PCDH15: variants seen among roughly 807,000 people sequenced by gnomAD.
PCDH15 encodes protocadherin-15.
In PCDH15, 129 loss-of-function variants were observed where a neutral mutation model predicts 178.5. The ratio of observed to expected loss-of-function variants is 0.72; its 90% CI spans 0.63 to 0.84. The LOEUF (loss-of-function observed/expected upper bound fraction) is 0.84, where lower values mean the gene tolerates loss of function less well. Among genes scored for constraint, PCDH15 ranks in the 40% least tolerant of loss-of-function variants. PCDH15 has a pLI of 0.00. For missense variants in PCDH15, 2,230 were observed against 2,099.9 expected (o/e 1.06, Z -1.21); for synonymous variants, 800 against 732.0 (o/e 1.09, Z -1.50).
rs768775289 is a variant in PCDH15 at position 53,940,902 on chromosome 10, T to C, written c.3196A>G (p.Ser1066Gly). ...CCTGAAACAATGGAGTACACAATAC[T>C]TTGATTAATGGCAGCAGCAGAAATT... The part of the protein sequence containing the change: ...GVISAAAINQ[S>G]IVYSIVSGNE... Residue 1066 changes from serine to glycine, a missense_variant, in exon 24 of 38, where the codon AGT (serine) becomes GGT (glycine). Transcript: ENST00000644397. 2 of 1,613,568 alleles carry C rather than the reference T, an allele frequency of 1.2e-6. No homozygotes were observed. Among genetic ancestry groups the C allele is most frequent in the Non-Finnish European group, 8.5e-7 (1 of 1,179,640 alleles).
chr10:55,587,843 A>G (rs1009113932), intron 2 of PCDH15, among the ~76,000 whole-genome samples: 2 of 152,180 alleles, frequency 1.3e-5, no homozygotes, highest in African/African-American at 4.8e-5. Flanking sequence ...TGGGTCTGAA[A>G]GAGTATCTGA....
intron 18 of PCDH15, among the ~76,000 whole-genome samples, chr10:54,031,112 T>C (rs2093280816): frequency 6.6e-6 from 1 of 152,072 alleles, no homozygotes; most frequent in Non-Finnish European, 1.5e-5. Context: ...ACAAGGCCGA[T>C]GTCAAGGGGT....
At chr10:55,534,765 T>C (rs1841533364) in intron 2 of PCDH15, among the ~76,000 whole-genome samples, 1 of 152,052 alleles carries the variant, frequency 6.6e-6, no homozygotes, top group South Asian at 2.1e-4. Flanking sequence ...CATGCACTTG[T>C]ATAATCATCA....
chr10:53,903,456 T>G (rs192033789), intron 25 of PCDH15, 86 bp from the exon 26 acceptor site: 5 of 1,507,156 alleles, frequency 3.3e-6, no homozygotes, highest in South Asian at 2.3e-5. Flanking sequence ...CTGCACTTTT[T>G]TTTGGAAACA....
intron 2 of PCDH15, among the ~76,000 whole-genome samples, chr10:55,493,972 A>G (rs1454544483): frequency 1.3e-5 from 2 of 151,888 alleles, no homozygotes; most frequent in Non-Finnish European, 2.9e-5. Context: ...CATATTTGAC[A>G]AGAATGTATG....
intron 15 of PCDH15, among the ~76,000 whole-genome samples, chr10:54,120,771 C>T (rs4935499): frequency 0.69 from 104,603 of 152,016 alleles, 36,349 homozygotes; most frequent in East Asian, 0.99. Flanking sequence ...ACACACCCCA[C>T]ATTGTAGAGT....
chr10:54,702,086 T>C (rs4935543), intron 1 of PCDH15, among the ~76,000 whole-genome samples: 32,066 of 151,544 alleles, frequency 0.21, 3,819 homozygotes, highest in Middle Eastern at 0.3. Context: ...TGCAACAAAA[T>C]TGAAATCATA....
At chr10:54,692,084 G>A (rs1035745854) in intron 1 of PCDH15, among the ~76,000 whole-genome samples, 14 of 152,064 alleles carry the variant, frequency 9.2e-5, no homozygotes, top group African/African-American at 2.7e-4. Flanking sequence ...CTGCTGCTGA[G>A]AGGAAAATAA....
At chr10:55,390,499 G>T (rs973931222) in intron 2 of PCDH15, among the ~76,000 whole-genome samples, 3 of 152,108 alleles carry the variant, frequency 2.0e-5, no homozygotes, top group Admixed American at 6.6e-5. Flanking sequence ...TTTCAAAATT[G>T]GAGTCAAGTC....
rs114536281 is a variant in PCDH15, at chr10:54,903,164, G to A, written c.-79-5664C>T. Among the ~76,000 whole-genome samples, 1,117 of 152,156 alleles carry A rather than the reference G, an allele frequency of 7.3e-3. 16 individuals are homozygous for A. The highest frequency in any genetic ancestry group is 0.026 in the African/African-American group (1,077 of 41,522). ...GAGGTATGAAGGAGGAAACAGACTA[G>A]GTACGAAAGAAAAGAAGGGATACCA... On this transcript the variant is annotated intron_variant, in intron 2 of 5. Transcript: ENST00000458638.
chr10:54,985,945 G>A (rs1320753871), intron 2 of PCDH15, among the ~76,000 whole-genome samples: 1 of 152,196 alleles, frequency 6.6e-6, no homozygotes, highest in Non-Finnish European at 1.5e-5. Flanking sequence ...TTAGGCCTTA[G>A]AGTCATGTGA....
intron 2 of PCDH15, among the ~76,000 whole-genome samples, chr10:55,559,296 C>A (rs1842147887): frequency 6.6e-6 from 1 of 151,910 alleles, no homozygotes; most frequent in African/African-American, 2.4e-5. Context: ...CATTGAATAA[C>A]AGCTTTTTAA....
intron 35 of PCDH15, 129 bp from the exon 36 acceptor site, chr10:53,811,748 T>C (rs2075872472): frequency 1.7e-5 from 9 of 517,066 alleles, no homozygotes; most frequent in South Asian, 1.7e-4. Context: ...TAAATACAAG[T>C]GTCAGTTAAA....
intron 5 of PCDH15, among the ~76,000 whole-genome samples, chr10:54,351,585 C>T (rs1422502587): frequency 6.6e-6 from 1 of 152,134 alleles, no homozygotes; most frequent in East Asian, 1.9e-4. Context: ...ACTAAATCCT[C>T]TACAAGGCCT....
intron 4 of PCDH15, among the ~76,000 whole-genome samples, chr10:54,378,374 A>C (rs1271678318): frequency 6.6e-6 from 1 of 151,834 alleles, no homozygotes; most frequent in Non-Finnish European, 1.5e-5. Context: ...ACCAATGCTT[A>C]CTAGTTGTAA....
chr10:55,297,745 G>A (rs1385386129), intron 1 of PCDH15, among the ~76,000 whole-genome samples: 4 of 151,944 alleles, frequency 2.6e-5, no homozygotes, highest in Non-Finnish European at 5.9e-5. Flanking sequence ...CTGACCTCTA[G>A]GACCCTAGTA....
intron 15 of PCDH15, among the ~76,000 whole-genome samples, chr10:54,122,630 G>A (rs1359859976): frequency 1.3e-5 from 2 of 151,598 alleles, no homozygotes; most frequent in Non-Finnish European, 2.9e-5. Flanking sequence ...CTGGTGATAT[G>A]ATTTTATACC....
chr10:54,242,147 T>C (rs7097945), intron 8 of PCDH15, among the ~76,000 whole-genome samples: 2,618 of 70,642 alleles, frequency 0.037, 281 homozygotes, highest in African/African-American at 0.15. Flanking sequence ...TATATATATA[T>C]ATATATATAT....
rs556527012 is a variant in PCDH15, at chr10:54,785,714, T to C, written c.-29+15211A>G. Among the ~76,000 whole-genome samples, 5 of 152,136 alleles carry C rather than the reference T, an allele frequency of 3.3e-5. No homozygotes were observed. In the East Asian group the frequency reaches 5.8e-4, roughly 18 times the overall value. On this transcript the variant is annotated intron_variant, in intron 1 of 37. Coordinates refer to ENST00000644397, the MANE Select transcript of PCDH15 (RefSeq NM_001384140.1). ...GGCTGAGACAAGGGGGAAAAAAGCATGTAGCACCCTGGATAAATCTTAAAT... is the reference window on the plus strand; with the variant it reads ...GGCTGAGACAAGGGGGAAAAAAGCACGTAGCACCCTGGATAAATCTTAAAT...
Sources: allele counts gnomAD v4.1 joint callset (sites outside exome capture counted in the v4.1 genomes callset), GRCh38; gene constraint gnomAD v4.1.1; transcripts MANE v1.5; gene names NCBI Gene and HGNC (gene_info 2026-07-23, HGNC 2026-07-21).